STAT5A: variants seen among roughly 807,000 people sequenced by gnomAD.
STAT5A encodes signal transducer and activator of transcription 5A, also known as epididymis secretory sperm binding protein.
In STAT5A, 26 loss-of-function variants were observed where a neutral mutation model predicts 100.2. That is an observed-to-expected ratio of 0.26 (90% CI 0.19 to 0.36). The LOEUF is 0.36. STAT5A is among the 10% of genes least tolerant of loss of function. STAT5A has a pLI of 1.00. For missense variants in STAT5A, 634 were observed against 1,027.5 expected (o/e 0.62, Z 5.24); for synonymous variants, 330 against 424.3 (o/e 0.78, Z 2.73).
At chr17:42,309,532 G>A (rs771053254) in intron 18 of STAT5A, 48 bp downstream of exon 18, 4 of 1,583,226 alleles carry the variant, frequency 2.5e-6, no homozygotes, top group Admixed American at 1.7e-5. Context: ...TGGGGACTTG[G>A]CCCCAGGCTG....
chr17:42,291,156 C>T (rs915201824), intron 3 of STAT5A, among the ~76,000 whole-genome samples: 3 of 152,226 alleles, frequency 2.0e-5, no homozygotes, highest in African/African-American at 7.2e-5. Context: ...AGTGCATAAC[C>T]TAGATCCCTC....
chr17:42,295,506 T>TTGCCC, intron 4 of STAT5A, 113 bp from the exon 5 acceptor site: 1 of 1,144,146 alleles, frequency 8.7e-7, no homozygotes, highest in Non-Finnish European at 1.2e-6. Flanking sequence ...GTTTCCCTTC[T>TTGCCC]TACCCTAGTT....
rs1277078028 is a variant in STAT5A, at chr17:42,306,460, G to T, written c.1680+13G>T. 1 of 1,603,384 alleles carries T rather than the reference G, an allele frequency of 6.2e-7. No homozygotes were observed. The highest frequency in any genetic ancestry group is 1.7e-5 in the Admixed American group (1 of 58,156). ...CCAGTTCAACAGGGTGAGGGGCCCA[G>T]CTGCCAGCCGCCCACCAGGGCCCAC... is the stretch of plus-strand genomic sequence containing the variant. On this transcript the variant is annotated intron_variant, in intron 13 of 18. Coordinates refer to ENST00000590949, the MANE Select transcript of STAT5A (RefSeq NM_001288718.2).
Position 42,308,311 on chromosome 17 carries a change from C to G in STAT5A, c.2040C>G (p.Ser680=). ...FPDRPKDEVF[S]KYYTPVLAKA... ...ACCGCCCCAAGGATGAGGTCTTCTC[C>G]AAGTACTACACTCCTGTGCTGGGTG... The change falls in exon 16 of 19, where the codon TCC becomes TCG. Residue 680 remains serine, a synonymous_variant. Transcript: ENST00000590949. The surrounding 1 kb of genome is among the most constrained non-coding windows in gnomAD (Gnocchi z 4.6). The G allele has an allele frequency of 1.9e-6, 3 of 1,614,234 alleles. No homozygotes were observed. The highest frequency in any genetic ancestry group is 2.5e-6 in the Non-Finnish European group (3 of 1,180,046).
intron 13 of STAT5A, 110 bp downstream of exon 13, chr17:42,306,557 C>A (rs2081030879): frequency 6.7e-7 from 1 of 1,500,014 alleles, no homozygotes; most frequent in Non-Finnish European, 9.1e-7. Context: ...CCACCCCCAA[C>A]CACTCTCTCC....
intron 11 of STAT5A, 126 bp from the exon 12 acceptor site, chr17:42,305,484 A>G: frequency 4.1e-6 from 3 of 739,328 alleles, no homozygotes; most frequent in South Asian, 3.7e-5. Context: ...CCTGGGCAAC[A>G]AGAGTGAAAC....
At chr17:42,295,505 C>T (rs2080909924) in intron 4 of STAT5A, 114 bp from the exon 5 acceptor site, 1 of 1,140,302 alleles carries the variant, frequency 8.8e-7, no homozygotes. Flanking sequence ...AGTTTCCCTT[C>T]TTACCCTAGT....
intron 9 of STAT5A, among the ~76,000 whole-genome samples, chr17:42,302,058 C>T (rs184910948): frequency 4.1e-4 from 62 of 152,272 alleles, no homozygotes; most frequent in Middle Eastern, 3.4e-3. Context: ...CCCAGCTACT[C>T]GGGAAGCTGA....
chr17:42,309,838 C>T (rs2081063596), intron 18 of STAT5A, among the ~76,000 whole-genome samples: 1 of 152,172 alleles, frequency 6.6e-6, no homozygotes, highest in South Asian at 2.1e-4. Context: ...GGGCTTGATA[C>T]AGGGTAGCTA....
At chr17:42,293,186 T>A (rs2080887432) in intron 4 of STAT5A, among the ~76,000 whole-genome samples, 5 of 151,102 alleles carry the variant, frequency 3.3e-5, no homozygotes. Flanking sequence ...ATATTTATTA[T>A]TTCTTTCTTT....
In STAT5A at chr17:42,308,290, C is replaced by A. The variant is rs2081048808; in HGVS notation, c.2019C>A (p.Arg673=). 6.2e-7 allele frequency: 1 copy of A among 1,614,228 alleles called. No homozygotes were observed. Among genetic ancestry groups the A allele is most frequent in the Non-Finnish European group, 8.5e-7 (1 of 1,180,042 alleles). The stretch of plus-strand genomic sequence containing the variant: ...ATCTCATCTATGTGTTTCCTGACCG[C>A]CCCAAGGATGAGGTCTTCTCCAAGT... ...LSYLIYVFPD[R]PKDEVFSKYY... The change falls in exon 16 of 19, where the codon CGC becomes CGA. Residue 673 remains arginine (R), a synonymous_variant. Coordinates refer to ENST00000590949, the MANE Select transcript of STAT5A (RefSeq NM_001288718.2). The surrounding 1 kb of genome is among the most constrained non-coding windows in gnomAD (Gnocchi z 4.6).
At chr17:42,306,031 AC>A (rs1456465133) in intron 12 of STAT5A, 1 of 800,374 alleles carries the variant, frequency 1.2e-6, no homozygotes. Flanking sequence ...GCATGCCCCC[AC>A]CCCCTGCATC....
At chr17:42,301,501 C>G in intron 9 of STAT5A, 47 bp downstream of exon 9, 1 of 1,607,266 alleles carries the variant, frequency 6.2e-7, no homozygotes, top group Non-Finnish European at 8.5e-7. Context: ...GTGTGGGGGA[C>G]CTGCACCCCC....
rs773602929 is a variant in STAT5A, at chr17:42,289,489, C to A, written c.78C>A (p.Phe26Leu). ...RQMQVLYGQH[F>L]PIEVRHYLAQ... The stretch of plus-strand genomic sequence containing the variant: ...TGCAGGTGCTGTACGGCCAGCACTT[C>A]CCCATCGAGGTCCGGCACTACTTGG... The change falls in exon 2 of 19, where the codon TTC becomes TTA. Residue 26 changes from phenylalanine to leucine, a missense_variant. Phe to Leu is a conservative substitution (Grantham distance 22, BLOSUM62 0). This residue lies in a region of STAT5A where 207 missense variants were observed against 256.6 expected (regional missense o/e 0.81). Transcript: ENST00000590949. 6.8e-6 allele frequency: 11 copies of A among 1,613,292 alleles called. No homozygotes were observed. The highest frequency in any genetic ancestry group is 8.5e-6 in the Non-Finnish European group (10 of 1,179,954).
At position 42,310,704 on chromosome 17, in the gene STAT5A, ATGC is replaced by A. The variant is rs766958331; in HGVS notation, c.*36_*38del. The stretch of plus-strand genomic sequence containing the variant: ...TCCCACGCTTCTCTTTGGAAACAAT[ATGC>A]AATGTGAAGCGGTCGTGTTGTGAGT... On this transcript the variant is annotated 3_prime_UTR_variant, in exon 19 of 19. Coordinates refer to ENST00000590949, the MANE Select transcript of STAT5A (RefSeq NM_001288718.2). 2 of 1,613,234 alleles carry A rather than the reference ATGC, an allele frequency of 1.2e-6. No homozygotes were observed. Among genetic ancestry groups the A allele is most frequent in the South Asian group, 2.2e-5 (2 of 91,076 alleles).
chr17:42,309,343 T>C, intron 17 of STAT5A, 34 bp from the exon 18 acceptor site: 1 of 1,609,974 alleles, frequency 6.2e-7, no homozygotes, highest in East Asian at 2.2e-5. Context: ...CCGGCCTCCC[T>C]GGTGGCTGAA....
rs2080970938 is a variant in STAT5A, at chr17:42,300,857, G to T, written c.976G>T (p.Ala326Ser). The change falls in exon 8 of 19, where the codon GCC (alanine) becomes TCC (serine). Residue 326 changes from alanine to serine, a missense_variant. By Grantham distance (99) the Ala-to-Ser change is moderately conservative. Coordinates refer to ENST00000590949, the MANE Select transcript of STAT5A (RefSeq NM_001288718.2). ...VNATITDIIS[A>S]LVTSTFIIEK... ...CGCCACCATCACGGACATTATCTCA[G>T]CCCTGGTGACCAGGTGACTGCTGCC... is the stretch of plus-strand genomic sequence containing the variant. 1 of 1,611,874 alleles carries T rather than the reference G, an allele frequency of 6.2e-7. No homozygotes were observed. The highest frequency in any genetic ancestry group is 8.5e-7 in the Non-Finnish European group (1 of 1,179,134).
At chr17:42,292,787 C>T (rs147162962) in intron 4 of STAT5A, among the ~76,000 whole-genome samples, 2,780 of 152,096 alleles carry the variant, frequency 0.018, 88 homozygotes, top group African/African-American at 0.064. Flanking sequence ...CCACCATGCC[C>T]GGCTAATTTT....
intron 4 of STAT5A, among the ~76,000 whole-genome samples, chr17:42,292,635 T>C (rs558378489): frequency 7.1e-6 from 1 of 141,758 alleles, no homozygotes; most frequent in African/African-American, 2.7e-5. Flanking sequence ...CCTACTGTTT[T>C]TTCCCCCCCG....
Sources: allele counts gnomAD v4.1 joint callset (sites outside exome capture counted in the v4.1 genomes callset), GRCh38; gene constraint gnomAD v4.1.1; regional missense constraint gnomAD v4.1.1; non-coding constraint Gnocchi (gnomAD v3.1); transcripts MANE v1.5; gene names NCBI Gene and HGNC (gene_info 2026-07-23, HGNC 2026-07-21).